MAGI2: variants seen among roughly 807,000 people sequenced by gnomAD.
MAGI2 encodes membrane associated guanylate kinase, WW and PDZ domain containing 2, also known as membrane-associated guanylate kinase, WW and PDZ domain-containing protein 2.
In MAGI2, 35 loss-of-function variants were observed where a neutral mutation model predicts 133.3. That is an observed-to-expected ratio of 0.26 (90% CI 0.20 to 0.35). MAGI2 has a LOEUF of 0.35. MAGI2 is among the 10% of genes least tolerant of loss of function. The pLI is 1.00. For synonymous variants in MAGI2, 729 were observed against 710.6 expected (o/e 1.03, Z -0.41); for missense variants, 1,636 against 1,863.4 (o/e 0.88, Z 2.25).
chr7:78,943,557 G>A (rs1193279455), intron 2 of MAGI2, among the ~76,000 whole-genome samples: 1 of 152,060 alleles, frequency 6.6e-6, no homozygotes, highest in Non-Finnish European at 1.5e-5. Flanking sequence ...GTACTTTCTG[G>A]TAACTGATTT....
rs140078476 is a variant in MAGI2 at position 79,384,945 on chromosome 7, C to T, written c.301+68075G>A. On this transcript the variant is annotated intron_variant, in intron 1 of 21. Transcript: ENST00000354212. ...TATTTCACAGATAGTTTCTGTTAGA[C>T]TCTGTCACTATGTACCTTCTTAAAG... Among the ~76,000 whole-genome samples, 70 of 151,742 alleles carry T rather than the reference C, an allele frequency of 4.6e-4. No individual in the cohort carries two copies. In the East Asian group the frequency reaches 0.013, roughly 28 times the overall value.
At chr7:78,266,794 G>A (rs180828246) in intron 9 of MAGI2, among the ~76,000 whole-genome samples, 209 of 151,760 alleles carry the variant, frequency 1.4e-3, no homozygotes, top group African/African-American at 5.0e-3. Context: ...TGGCCAGGCT[G>A]GTCTCGTGAC....
intron 6 of MAGI2, among the ~76,000 whole-genome samples, chr7:78,376,846 C>A (rs1208320641): frequency 6.6e-6 from 1 of 152,060 alleles, no homozygotes; most frequent in Admixed American, 6.6e-5. Flanking sequence ...CAAGAGTCGT[C>A]CTTGGTTTAA....
At chr7:78,029,689 T>C (rs1334402384) in intron 21 of MAGI2, among the ~76,000 whole-genome samples, 2 of 148,840 alleles carry the variant, frequency 1.3e-5, no homozygotes, top group Admixed American at 1.4e-4. Context: ...TTGAAAACCA[T>C]TGCGTGTTGA....
At chr7:78,547,112 T>C (rs1241602214) in intron 3 of MAGI2, among the ~76,000 whole-genome samples, 1 of 152,142 alleles carries the variant, frequency 6.6e-6, no homozygotes, top group Non-Finnish European at 1.5e-5. Context: ...GGCTAATGGA[T>C]ATAAAGAAGA....
rs776408241 is a variant in MAGI2, at chr7:78,178,034, C to A, written c.2380G>T (p.Gly794Trp). Residue 794 changes from glycine to tryptophan, a missense_variant, in exon 14 of 22, where the codon GGG becomes TGG. Transcript: ENST00000354212. ...MESGFGFRIL[G>W]GDEPGQPILI... The stretch of plus-strand genomic sequence containing the variant: ...ACAGGCTGTCCAGGCTCATCTCCCC[C>A]GAGGATTCTGAAGCCAAATCCAGAC... 3.9e-5 allele frequency: 63 copies of A among 1,612,982 alleles called. No homozygotes were observed. The highest frequency in any genetic ancestry group is 5.3e-5 in the Non-Finnish European group (62 of 1,179,096).
At chr7:78,711,248 A>G (rs1286098897) in intron 2 of MAGI2, among the ~76,000 whole-genome samples, 3 of 152,150 alleles carry the variant, frequency 2.0e-5, no homozygotes, top group Admixed American at 6.6e-5. Flanking sequence ...TGAGCCCCCT[A>G]CTAGGTCTCA....
intron 1 of MAGI2, among the ~76,000 whole-genome samples, chr7:79,264,846 A>T (rs1834330236): frequency 6.6e-6 from 1 of 151,752 alleles, no homozygotes; most frequent in African/African-American, 2.4e-5. Flanking sequence ...CAAGAGAGGA[A>T]ACGAGAGAGA....
At chr7:78,129,639 G>A (rs1821342819) in intron 18 of MAGI2, among the ~76,000 whole-genome samples, 1 of 152,062 alleles carries the variant, frequency 6.6e-6, no homozygotes, top group African/African-American at 2.4e-5. Context: ...TGCACATCTC[G>A]TGGGCCCTTC....
chr7:79,343,579 G>C (rs1287010853), intron 1 of MAGI2, among the ~76,000 whole-genome samples: 1 of 150,120 alleles, frequency 6.7e-6, no homozygotes, highest in Non-Finnish European at 1.5e-5. Context: ...CCCCAAATTG[G>C]CTAATTATTA....
At chr7:78,627,599 C>T (rs889510511) in intron 2 of MAGI2, among the ~76,000 whole-genome samples, 12 of 152,096 alleles carry the variant, frequency 7.9e-5, no homozygotes, top group African/African-American at 2.9e-4. Context: ...CATGAATGAA[C>T]CTCTATTGTC....
chr7:78,019,900 G>A lies in MAGI2; in HGVS notation c.3783C>T (p.Gly1261=), dbSNP rs758186841. 15 of 1,611,116 alleles carry A rather than the reference G, an allele frequency of 9.3e-6. No individual in the cohort carries two copies. Among genetic ancestry groups the A allele is most frequent in the African/African-American group, 1.3e-5 (1 of 74,836 alleles). The part of the protein sequence containing the change: ...LPEVGVSLDD[G]LAPFSPSHPA... Reference sequence around the variant, plus strand: ...GATGTGATGGAGAGAATGGAGCGAGGCCGTCGTCCAGGGAGACGCCTACTT... The same window carrying A: ...GATGTGATGGAGAGAATGGAGCGAGACCGTCGTCCAGGGAGACGCCTACTT... The change falls in exon 22 of 22, where the codon GGC becomes GGT. Residue 1261 remains glycine, a synonymous_variant. Coordinates refer to ENST00000354212, the MANE Select transcript of MAGI2 (RefSeq NM_012301.4).
intron 1 of MAGI2, among the ~76,000 whole-genome samples, chr7:79,308,696 T>C (rs13234027): frequency 0.56 from 85,053 of 152,100 alleles, 26,455 homozygotes; most frequent in Non-Finnish European, 0.69. Flanking sequence ...AATTATTAAG[T>C]AAATAAGGAC....
chr7:78,969,443 A>T (rs1216245574), intron 2 of MAGI2, among the ~76,000 whole-genome samples: 1 of 151,850 alleles, frequency 6.6e-6, no homozygotes, highest in Non-Finnish European at 1.5e-5. Flanking sequence ...AACCCACTCC[A>T]AGTGTGTGTT....
chr7:78,429,713 ATACT>A (rs1309692677), intron 6 of MAGI2, among the ~76,000 whole-genome samples: 5 of 151,996 alleles, frequency 3.3e-5, no homozygotes, highest in Middle Eastern at 3.4e-3. Context: ...ATACCTAATA[ATACT>A]TAATAATAAT....
At chr7:79,265,230 G>A (rs182863131) in intron 1 of MAGI2, among the ~76,000 whole-genome samples, 48 of 152,216 alleles carry the variant, frequency 3.2e-4, no homozygotes, top group Admixed American at 1.6e-3. Flanking sequence ...TCAGACTCCA[G>A]ACTTACTGAA....
intron 10 of MAGI2, among the ~76,000 whole-genome samples, chr7:78,208,244 G>T (rs1584397414): frequency 6.7e-6 from 1 of 149,406 alleles, no homozygotes; most frequent in East Asian, 2.0e-4. Flanking sequence ...TAGAAACACT[G>T]TAAAATTGTT....
chr7:78,179,455 T>C (rs1482533556), intron 13 of MAGI2, among the ~76,000 whole-genome samples: 1 of 152,228 alleles, frequency 6.6e-6, no homozygotes, highest in Non-Finnish European at 1.5e-5. Flanking sequence ...CTTGCCTTGG[T>C]GCCCAACAAC....
intron 1 of MAGI2, among the ~76,000 whole-genome samples, chr7:79,186,219 TA>T (rs1483423349): frequency 7.1e-4 from 21 of 29,784 alleles, no homozygotes; most frequent in Admixed American, 3.5e-3. Flanking sequence ...TATATATATA[TA>T]TATATATATA....
Sources: allele counts gnomAD v4.1 joint callset (sites outside exome capture counted in the v4.1 genomes callset), GRCh38; gene constraint gnomAD v4.1.1; transcripts MANE v1.5; gene names NCBI Gene and HGNC (gene_info 2026-07-23, HGNC 2026-07-21).